Variants in EPHA6 observed in about 807,000 individuals in gnomAD.
EPHA6 encodes the protein ephrin type-A receptor 6.
EPHA6 carries 50 observed loss-of-function variants against 112.0 expected under a neutral mutation model. That is an observed-to-expected ratio of 0.45 (90% confidence interval 0.36 to 0.56). EPHA6 has a LOEUF of 0.56. Among genes scored for constraint, EPHA6 ranks in the 20% least tolerant of loss-of-function variants. The pLI is 0.00. For missense variants in EPHA6, 1,280 were observed against 1,417.4 expected (o/e 0.90, Z 1.56); for synonymous variants, 529 against 490.7 (o/e 1.08, Z -1.03).
intron 1 of EPHA6, among the ~76,000 whole-genome samples, chr3:96,855,417 G>T (rs2035634681): frequency 6.6e-6 from 1 of 152,046 alleles, no homozygotes; most frequent in Non-Finnish European, 1.5e-5. Context: ...AGTTAATATT[G>T]AGGGATGAGT....
intron 3 of EPHA6, among the ~76,000 whole-genome samples, chr3:97,215,953 T>C (rs2078022761): frequency 6.6e-6 from 1 of 152,052 alleles, no homozygotes; most frequent in African/African-American, 2.4e-5. Flanking sequence ...GACAATTCAC[T>C]AACAGGAATA....
chr3:97,158,469 T>C (rs1576589911), intron 3 of EPHA6, among the ~76,000 whole-genome samples: 1 of 152,214 alleles, frequency 6.6e-6, no homozygotes, highest in East Asian at 1.9e-4. Flanking sequence ...TCGAGAAAAA[T>C]GATGAGACAA....
At chr3:97,271,765 T>C (rs1306519101) in intron 5 of EPHA6, among the ~76,000 whole-genome samples, 1 of 152,246 alleles carries the variant, frequency 6.6e-6, no homozygotes, top group East Asian at 1.9e-4. Flanking sequence ...GATAAATAAT[T>C]TTAGTTTTTC....
chr3:97,354,330 C>A (rs2108905181), intron 5 of EPHA6, among the ~76,000 whole-genome samples: 1 of 152,168 alleles, frequency 6.6e-6, no homozygotes, highest in East Asian at 1.9e-4. Flanking sequence ...ACCTTTCAGA[C>A]AGAGACTTCA....
chr3:97,536,218 T>C (rs750178832), intron 11 of EPHA6, among the ~76,000 whole-genome samples: 37 of 152,136 alleles, frequency 2.4e-4, no homozygotes, highest in Non-Finnish European at 4.6e-4. Context: ...TCATTAACTA[T>C]ATAACCAACA....
At chr3:96,986,137 G>T (rs1406023400) in intron 2 of EPHA6, among the ~76,000 whole-genome samples, 3 of 152,070 alleles carry the variant, frequency 2.0e-5, no homozygotes, top group Non-Finnish European at 4.4e-5. Context: ...ATAAAATGGA[G>T]TTATAATCTA....
intron 2 of EPHA6, among the ~76,000 whole-genome samples, chr3:96,929,216 C>T (rs2040194019): frequency 6.6e-6 from 1 of 152,160 alleles, no homozygotes; most frequent in Non-Finnish European, 1.5e-5. Flanking sequence ...TTAATCGGGA[C>T]ATTTAGCCCA....
intron 5 of EPHA6, among the ~76,000 whole-genome samples, chr3:97,263,436 T>TAC (rs34479594): frequency 0.053 from 7,582 of 142,220 alleles, 220 homozygotes; most frequent in South Asian, 0.074. Context: ...ATTAAAGGGA[T>TAC]ACACACACAC....
chr3:96,974,036 A>T (rs2042421786), intron 2 of EPHA6, among the ~76,000 whole-genome samples: 1 of 145,692 alleles, frequency 6.9e-6, no homozygotes, highest in Admixed American at 6.9e-5. Flanking sequence ...TATGTTATTA[A>T]TACAATAAAT....
At chr3:96,967,648 G>T (rs1292363010) in intron 2 of EPHA6, among the ~76,000 whole-genome samples, 2 of 151,492 alleles carry the variant, frequency 1.3e-5, no homozygotes, top group South Asian at 2.1e-4. Flanking sequence ...TGTTTTAGTT[G>T]TTATCTTTTT....
intron 6 of EPHA6, 71 bp from the exon 7 acceptor site, chr3:97,448,497 T>C: frequency 1.3e-6 from 2 of 1,506,428 alleles, no homozygotes; most frequent in Admixed American, 3.5e-5. Context: ...TCAGTTAAAC[T>C]TTGGAATGTT....
chr3:97,458,036 C>A (rs2090754239), intron 7 of EPHA6, among the ~76,000 whole-genome samples: 1 of 136,098 alleles, frequency 7.3e-6, no homozygotes, highest in African/African-American at 2.8e-5. Context: ...CCACTGCACT[C>A]CAGCCTGGGC....
At chr3:97,733,588 A>G (rs1273875710) in intron 15 of EPHA6, among the ~76,000 whole-genome samples, 1 of 152,080 alleles carries the variant, frequency 6.6e-6, no homozygotes, top group Non-Finnish European at 1.5e-5. Flanking sequence ...CTAAACGATA[A>G]GCATAGAAAA....
chr3:97,044,811 T>C (rs1223501236), intron 3 of EPHA6, among the ~76,000 whole-genome samples: 4 of 152,068 alleles, frequency 2.6e-5, no homozygotes, highest in Admixed American at 6.6e-5. Flanking sequence ...TACAGAGATA[T>C]AGTAAATGGA....
chr3:97,619,684 A>G (rs766519141), intron 13 of EPHA6, among the ~76,000 whole-genome samples: 3 of 152,108 alleles, frequency 2.0e-5, no homozygotes, highest in Non-Finnish European at 4.4e-5. Flanking sequence ...AAAAAGAATA[A>G]AACACCTAGG....
chr3:97,297,701 G>A (rs893057656), intron 5 of EPHA6, among the ~76,000 whole-genome samples: 1 of 152,040 alleles, frequency 6.6e-6, no homozygotes, highest in African/African-American at 2.4e-5. Flanking sequence ...ATGATATGTT[G>A]AAGAATTCAT....
chr3:97,271,099 A>T (rs1444877061), intron 5 of EPHA6, among the ~76,000 whole-genome samples: 2 of 152,250 alleles, frequency 1.3e-5, no homozygotes, highest in African/African-American at 4.8e-5. Flanking sequence ...ATTGACTAAT[A>T]TAATTTATAT....
intron 5 of EPHA6, among the ~76,000 whole-genome samples, chr3:97,254,200 T>C (rs1163961266): frequency 1.3e-5 from 2 of 152,176 alleles, no homozygotes; most frequent in Non-Finnish European, 2.9e-5. Flanking sequence ...TTTATTTGTT[T>C]GTTTTTGAGG....
chr3:96,828,212 C>T (rs1436464083), intron 1 of EPHA6, among the ~76,000 whole-genome samples: 1 of 152,102 alleles, frequency 6.6e-6, no homozygotes, highest in Admixed American at 6.6e-5. Flanking sequence ...TTCTACTAAA[C>T]TTTTGCCCTA....
Sources: allele counts gnomAD v4.1 joint callset (sites outside exome capture counted in the v4.1 genomes callset), GRCh38; gene constraint gnomAD v4.1.1; transcripts MANE v1.5; gene names NCBI Gene and HGNC (gene_info 2026-07-23, HGNC 2026-07-21).